FBXW11: variants seen among roughly 807,000 people sequenced by gnomAD.
FBXW11 encodes F-box and WD repeat domain containing 11.
Under a neutral mutation model 77.6 loss-of-function variants are expected in FBXW11, and 19 were observed. The observed-to-expected ratio is 0.24, with a 90% CI of 0.17 to 0.36. FBXW11 has a LOEUF of 0.36. Ranked by LOEUF, FBXW11 falls within the 10% of genes least tolerant of loss-of-function variation. FBXW11 has a pLI of 1.00. For missense variants in FBXW11, 334 were observed against 704.2 expected (o/e 0.47, Z 5.95); for synonymous variants, 235 against 249.4 (o/e 0.94, Z 0.54).
In FBXW11 at chr5:171,924,012, G is replaced by A. The variant is rs559310817; in HGVS notation, c.148-9607C>T. 5.3e-4 allele frequency among the ~76,000 whole-genome samples: 67 copies of A among 126,440 alleles called. 3 individuals are homozygous for A. The South Asian group carries it at 0.015, about 28-fold the overall frequency. 82.9% of individuals were successfully genotyped at this position (126,440 alleles called of 152,430 possible). A position where few individuals can be genotyped will look rare whatever the true frequency, so the allele number is the denominator to read the frequency against. The stretch of plus-strand genomic sequence containing the variant: ...ACGATCTCAGCTCACTGCAACCTCC[G>A]CCTCCTGGGTTCAAGCAATTCCCTG... On this transcript the variant is annotated intron_variant, in intron 2 of 13. Transcript: ENST00000517395.
intron 2 of FBXW11, among the ~76,000 whole-genome samples, chr5:171,920,103 C>T (rs1015195830): frequency 6.6e-6 from 1 of 152,100 alleles, no homozygotes; most frequent in African/African-American, 2.4e-5. Flanking sequence ...GCAGAGGTTG[C>T]AGTGAGCGAA....
rs60513776 is a variant in FBXW11, at chr5:171,946,125, A to C, written c.147+11472T>G. On this transcript the variant is annotated intron_variant, in intron 2 of 13. Transcript: ENST00000517395. ...AGAAAAGACTGGGGTTTCCCAGAGA[A>C]GGATAAATTTTGCCTCCAGGCTGCA... Among the ~76,000 whole-genome samples, 1,425 of 152,330 alleles carry C rather than the reference A, an allele frequency of 9.4e-3. 25 individuals are homozygous for C. The highest frequency in any genetic ancestry group is 0.033 in the African/African-American group (1,357 of 41,570).
At chr5:171,900,479 C>T (rs189827052) in intron 4 of FBXW11, among the ~76,000 whole-genome samples, 3 of 152,276 alleles carry the variant, frequency 2.0e-5, no homozygotes, top group Non-Finnish European at 4.4e-5. Context: ...CAAGATTTTA[C>T]ACTCCCTTGG....
intron 2 of FBXW11, among the ~76,000 whole-genome samples, chr5:171,930,754 T>TAAAAAAAAAAAAAAAAAAAA (rs1300857997): frequency 3.1e-5 from 1 of 32,330 alleles, no homozygotes; most frequent in African/African-American, 8.5e-5. Flanking sequence ...AAATAAAAAA[T>TAAAAAAAAAAAAAAAAAAAA]AAAAAAATAA....
In FBXW11 at chr5:171,872,971, C is replaced by T; in HGVS notation, c.1241G>A (p.Cys414Tyr). Residue 414 changes from cysteine (C) to tyrosine (Y), a missense_variant, in exon 10 of 14, where the codon TGT becomes TAT. Transcript: ENST00000517395. Reference sequence around the variant, plus strand: ...CCCATTGAGAGTACGAACAAATTCACAGGTGCTCGTGCTCCAGACCTGTAT... The same window carrying T: ...CCCATTGAGAGTACGAACAAATTCATAGGTGCTCGTGCTCCAGACCTGTAT... ...RTIKVWSTST[C>Y]EFVRTLNGHK... 2 of 1,613,902 alleles carry T rather than the reference C, an allele frequency of 1.2e-6. No individual in the cohort carries two copies. The highest frequency in any genetic ancestry group is 1.7e-6 in the Non-Finnish European group (2 of 1,179,874).
chr5:171,978,369 TAA>T (rs1157998840), intron 1 of FBXW11, among the ~76,000 whole-genome samples: 3 of 152,188 alleles, frequency 2.0e-5, no homozygotes, highest in Non-Finnish European at 4.4e-5. Flanking sequence ...TCCACATATA[TAA>T]GTTTTTTCAA....
chr5:171,910,833 A>G (rs1760839388), intron 3 of FBXW11, 36 bp from the exon 4 acceptor site: 3 of 1,374,174 alleles, frequency 2.2e-6, no homozygotes, highest in Non-Finnish European at 3.0e-6. Context: ...TTAGTTTAAC[A>G]AGGAAAGAAA....
intron 7 of FBXW11, among the ~76,000 whole-genome samples, chr5:171,888,268 A>T (rs1308256285): frequency 6.6e-6 from 1 of 152,224 alleles, no homozygotes; most frequent in Non-Finnish European, 1.5e-5. Context: ...GAAATCCAAG[A>T]GGAAAGAACT....
In FBXW11 at chr5:171,894,806, A is replaced by T. The variant is rs146554427; in HGVS notation, c.715-3202T>A. On this transcript the variant is annotated intron_variant, in intron 6 of 13. Transcript: ENST00000517395. Reference sequence around the variant, plus strand: ...TGGCAAAGGACTCGCTGCTGTAAAGATGGGAAGAGTAATATCTACTCCCTC... The same window carrying T: ...TGGCAAAGGACTCGCTGCTGTAAAGTTGGGAAGAGTAATATCTACTCCCTC... Among the ~76,000 whole-genome samples, 111 of 151,742 alleles carry T rather than the reference A, an allele frequency of 7.3e-4. No individual in the cohort carries two copies. The East Asian group carries it at 0.02, about 27-fold the overall frequency.
In FBXW11 at chr5:171,863,701, T is replaced by C. The variant is rs1347373011; in HGVS notation, c.*426A>G. 1.3e-5 allele frequency: 2 copies of C among 152,674 alleles called. No homozygotes were observed. The highest frequency in any genetic ancestry group is 2.9e-5 in the Non-Finnish European group (2 of 68,042). 9.5% of individuals were successfully genotyped at this position (152,674 alleles called of 1,614,324 possible). A position where few individuals can be genotyped will look rare whatever the true frequency, so the allele number is the denominator to read the frequency against. ...GCCCTGGACATTCTGGGTAGGTGTT[T>C]GGCACCCAAAATTTCACTGAAGAAG... On this transcript the variant is annotated 3_prime_UTR_variant, in exon 14 of 14. Coordinates refer to ENST00000517395, the MANE Select transcript of FBXW11 (RefSeq NM_001378974.1).
intron 4 of FBXW11, among the ~76,000 whole-genome samples, chr5:171,905,280 T>C (rs573186429): frequency 4.4e-4 from 67 of 152,332 alleles, no homozygotes; most frequent in African/African-American, 1.5e-3. Context: ...CAGTCTTCCA[T>C]AATATCAGAA....
At chr5:171,956,056 A>T (rs1420904369) in intron 2 of FBXW11, among the ~76,000 whole-genome samples, 1 of 152,170 alleles carries the variant, frequency 6.6e-6, no homozygotes, top group Non-Finnish European at 1.5e-5. Flanking sequence ...TCAAGACCTC[A>T]CTAACAACTA....
At chr5:171,884,658 T>C (rs1017164019) in intron 7 of FBXW11, among the ~76,000 whole-genome samples, 2 of 152,208 alleles carry the variant, frequency 1.3e-5, no homozygotes, top group Non-Finnish European at 2.9e-5. Flanking sequence ...AATTTGTAGA[T>C]TGCTTTTGGC....
chr5:171,909,545 T>C (rs1447970244), intron 4 of FBXW11, among the ~76,000 whole-genome samples: 1 of 152,244 alleles, frequency 6.6e-6, no homozygotes, highest in African/African-American at 2.4e-5. Context: ...TGCTGTGCAA[T>C]GCTGATAGTG....
At chr5:171,879,104 T>A (rs1001143117) in intron 7 of FBXW11, among the ~76,000 whole-genome samples, 1 of 152,232 alleles carries the variant, frequency 6.6e-6, no homozygotes, top group Non-Finnish European at 1.5e-5. Flanking sequence ...GGTAAAATGT[T>A]GTGAACAGTT....
At chr5:171,980,001 CT>C (rs1233413272) in intron 1 of FBXW11, among the ~76,000 whole-genome samples, 1 of 152,156 alleles carries the variant, frequency 6.6e-6, no homozygotes, top group Non-Finnish European at 1.5e-5. Context: ...AAGGAAGTAA[CT>C]TGTGGAATGC....
chr5:171,980,374 T>A (rs1014570013), intron 1 of FBXW11, among the ~76,000 whole-genome samples: 1 of 152,174 alleles, frequency 6.6e-6, no homozygotes, highest in African/African-American at 2.4e-5. Flanking sequence ...AATAAAAAAT[T>A]GGACTTCATT....
At chr5:171,910,326 A>G (rs2113929472) in intron 4 of FBXW11, among the ~76,000 whole-genome samples, 1 of 152,254 alleles carries the variant, frequency 6.6e-6, no homozygotes, top group East Asian at 1.9e-4. Flanking sequence ...TTAGCCTCCC[A>G]AAGTGCTGGG....
intron 7 of FBXW11, among the ~76,000 whole-genome samples, chr5:171,887,309 T>C (rs968252768): frequency 2.0e-5 from 3 of 152,188 alleles, no homozygotes; most frequent in African/African-American, 4.8e-5. Context: ...GAACAGTTTC[T>C]TATATTCTAT....
Sources: allele counts gnomAD v4.1 joint callset (sites outside exome capture counted in the v4.1 genomes callset), GRCh38; gene constraint gnomAD v4.1.1; transcripts MANE v1.5; gene names NCBI Gene and HGNC (gene_info 2026-07-23, HGNC 2026-07-21).